The following CALN1 variants were observed in gnomAD, a reference collection of about 807,000 sequenced individuals.
The protein encoded by CALN1 is calcium-binding protein 8.
In CALN1, 17 loss-of-function variants were observed where a neutral mutation model predicts 30.6. The observed-to-expected ratio is 0.56, with a 90% CI of 0.38 to 0.83. CALN1 has a LOEUF of 0.83. Among genes scored for constraint, CALN1 ranks in the 40% least tolerant of loss-of-function variants. The probability of loss-of-function intolerance (pLI) is 0.00; values close to 1 mark genes in which losing one functional copy is unlikely to be tolerated. For synonymous variants in CALN1, 156 were observed against 131.4 expected, an observed-to-expected ratio of 1.19 and a Z score of -1.28; for missense variants, 291 against 354.9, an observed-to-expected ratio of 0.82 and a Z score of 1.45.
chr7:71,964,726 A>G (rs1797446533), intron 5 of CALN1, among the ~76,000 whole-genome samples: 1 of 151,960 alleles, frequency 6.6e-6, no homozygotes, highest in Non-Finnish European at 1.5e-5. Flanking sequence ...CAAAGTATAG[A>G]TATATTTAAC....
intron 5 of CALN1, among the ~76,000 whole-genome samples, chr7:71,968,229 C>T (rs1341922957): frequency 6.6e-6 from 1 of 152,142 alleles, no homozygotes; most frequent in Non-Finnish European, 1.5e-5. Flanking sequence ...GTAATACACA[C>T]ATCCACACTG....
intron 3 of CALN1, among the ~76,000 whole-genome samples, chr7:72,266,964 T>C (rs1473468888): frequency 6.6e-6 from 1 of 152,180 alleles, no homozygotes; most frequent in East Asian, 1.9e-4. Context: ...TAAAGCTAAT[T>C]CCCAGCTCAG....
intron 3 of CALN1, among the ~76,000 whole-genome samples, chr7:72,187,284 T>C (rs891120741): frequency 1.3e-5 from 2 of 152,138 alleles, no homozygotes; most frequent in Non-Finnish European, 2.9e-5. Flanking sequence ...CTGTAAGTGG[T>C]AGAAAACTAC....
At chr7:72,258,770 T>G (rs1446566939) in intron 3 of CALN1, among the ~76,000 whole-genome samples, 1 of 143,946 alleles carries the variant, frequency 6.9e-6, no homozygotes, top group East Asian at 2.0e-4. Context: ...ATACAAAAAT[T>G]AGCTGGGTGT....
chr7:72,411,377 A>G (rs1338901217), intron 1 of CALN1, among the ~76,000 whole-genome samples: 1 of 152,256 alleles, frequency 6.6e-6, no homozygotes, highest in Non-Finnish European at 1.5e-5. Context: ...AGATTCATGT[A>G]ACATCATTAG....
At chr7:71,981,494 C>T (rs1463419113) in intron 5 of CALN1, among the ~76,000 whole-genome samples, 1 of 151,838 alleles carries the variant, frequency 6.6e-6, no homozygotes, top group Non-Finnish European at 1.5e-5. Context: ...TGAAACTCTG[C>T]CTCTACTAAA....
At chr7:71,862,009 G>A (rs139427880) in intron 5 of CALN1, among the ~76,000 whole-genome samples, 1 of 152,292 alleles carries the variant, frequency 6.6e-6, no homozygotes, top group East Asian at 1.9e-4. Context: ...CTTGTGAGCT[G>A]TGCTTGCTTC....
intron 5 of CALN1, among the ~76,000 whole-genome samples, chr7:72,020,474 C>G (rs1800640602): frequency 6.6e-6 from 1 of 152,122 alleles, no homozygotes; most frequent in South Asian, 2.1e-4. Context: ...TTCACGCTGT[C>G]TCTGAAGGGG....
intron 6 of CALN1, 107 bp from the exon 7 acceptor site, chr7:71,788,009 G>C: frequency 6.9e-7 from 1 of 1,458,088 alleles, no homozygotes; most frequent in Non-Finnish European, 9.4e-7. Flanking sequence ...CAACAGGCCA[G>C]CAGTGAGTCC....
chr7:71,786,725 A>C lies in CALN1; in HGVS notation c.*1050T>G, dbSNP rs1263267750. Reference sequence around the variant, plus strand: ...AACTCCAAGGTAAGGGAAAGGTAAGATGCACAAGGACCTTAACTTACAAAG... The same window carrying C: ...AACTCCAAGGTAAGGGAAAGGTAAGCTGCACAAGGACCTTAACTTACAAAG... On this transcript the variant is annotated 3_prime_UTR_variant, in exon 7 of 7. Coordinates refer to ENST00000395275, the MANE Select transcript of CALN1 (RefSeq NM_031468.4). 2.0e-5 allele frequency: 3 copies of C among 152,146 alleles called. No individual in the cohort carries two copies. Among genetic ancestry groups the C allele is most frequent in the Non-Finnish European group, 4.4e-5 (3 of 68,034 alleles). The allele number at this position is 152,146 out of a possible 1,614,324, so 9.4% of individuals were successfully genotyped here.
At chr7:72,232,215 G>C (rs1794156767) in intron 3 of CALN1, among the ~76,000 whole-genome samples, 1 of 152,144 alleles carries the variant, frequency 6.6e-6, no homozygotes, top group African/African-American at 2.4e-5. Context: ...TTAGATTTGG[G>C]CCAAGAGCTT....
intron 3 of CALN1, among the ~76,000 whole-genome samples, chr7:72,173,445 T>C (rs1384439525): frequency 1.3e-5 from 2 of 152,128 alleles, no homozygotes; most frequent in African/African-American, 2.4e-5. Context: ...TATGCAGACA[T>C]TGACAATTTG....
At chr7:71,807,634 G>A (rs1787697024) in intron 6 of CALN1, among the ~76,000 whole-genome samples, 1 of 152,232 alleles carries the variant, frequency 6.6e-6, no homozygotes, top group East Asian at 1.9e-4. Flanking sequence ...ATAAGATAAT[G>A]AATTTTAAAC....
At chr7:72,228,347 T>C (rs1382324940) in intron 3 of CALN1, among the ~76,000 whole-genome samples, 1 of 151,708 alleles carries the variant, frequency 6.6e-6, no homozygotes, top group African/African-American at 2.4e-5. Context: ...ACAATTAGTT[T>C]AAATGTCTGG....
intron 3 of CALN1, among the ~76,000 whole-genome samples, chr7:72,247,052 C>A (rs1424796790): frequency 6.6e-6 from 1 of 151,690 alleles, no homozygotes; most frequent in Non-Finnish European, 1.5e-5. Context: ...CTGTGCCCGG[C>A]CAGCCCTACC....
chr7:71,997,986 T>A (rs1366552099), intron 5 of CALN1, among the ~76,000 whole-genome samples: 2 of 151,854 alleles, frequency 1.3e-5, no homozygotes, highest in Non-Finnish European at 2.9e-5. Context: ...GTGCTTGGCT[T>A]ATTTTTGTAT....
Position 72,212,976 on chromosome 7 carries a change from A to G in CALN1, c.244+65710T>C, listed in dbSNP as rs142452642. Among the ~76,000 whole-genome samples the G allele has an allele frequency of 3.5e-4, 53 of 152,368 alleles. No homozygotes were observed. In the Middle Eastern group the frequency reaches 0.01, roughly 29 times the overall value. On this transcript the variant is annotated intron_variant, in intron 3 of 6. Coordinates refer to ENST00000395275, the MANE Select transcript of CALN1 (RefSeq NM_031468.4). ...CTTTTGATTGTGGAGTCCACAAAAC[A>G]GAAACGCTCAAGAAAGCCTCACTCT...
intron 3 of CALN1, among the ~76,000 whole-genome samples, chr7:72,272,388 C>T (rs1159112952): frequency 6.6e-6 from 1 of 152,044 alleles, no homozygotes; most frequent in Non-Finnish European, 1.5e-5. Context: ...ATGGCAAAAA[C>T]CCATCTCTAC....
At chr7:71,811,890 G>A (rs964717724) in intron 5 of CALN1, among the ~76,000 whole-genome samples, 2 of 151,528 alleles carry the variant, frequency 1.3e-5, no homozygotes, top group African/African-American at 4.9e-5. Flanking sequence ...TGTTGGTCAA[G>A]CTGGTCTCGA....
Sources: gnomAD v4.1 joint callset for allele counts (sites outside exome capture counted in the v4.1 genomes callset) on GRCh38, gnomAD v4.1.1 for gene constraint, MANE v1.5 for transcripts, NCBI Gene and HGNC (gene_info 2026-07-23, HGNC 2026-07-21) for gene names.